WWOX: variants seen among roughly 807,000 people sequenced by gnomAD.
The protein encoded by WWOX is WW domain-containing oxidoreductase.
A neutral mutation model predicts 46.2 loss-of-function variants in WWOX; 69 were observed. The ratio of observed to expected loss-of-function variants is 1.49; its 90% CI spans 1.23 to 1.82. The LOEUF is 1.82. Ranked by LOEUF, WWOX falls within the 40% of genes most tolerant of loss-of-function variation. The probability of loss-of-function intolerance (pLI) is 0.00; values close to 1 mark genes in which losing one functional copy is unlikely to be tolerated. For missense variants in WWOX, 919 were observed against 542.6 expected (o/e 1.69, Z -6.89); for synonymous variants, 359 against 202.6 (o/e 1.77, Z -6.56).
At chr16:78,842,488 G>A (rs538120298) in intron 8 of WWOX, among the ~76,000 whole-genome samples, 4 of 137,112 alleles carry the variant, frequency 2.9e-5, no homozygotes, top group East Asian at 2.1e-4. Context: ...GGGTGAAAAA[G>A]TGACACCCTG....
chr16:78,887,175 C>T (rs984727071), intron 8 of WWOX, among the ~76,000 whole-genome samples: 1 of 146,966 alleles, frequency 6.8e-6, no homozygotes, highest in African/African-American at 2.6e-5. Flanking sequence ...TATTTTCTCC[C>T]GTAAGTTAAA....
At chr16:78,330,141 G>A (rs910935246) in intron 5 of WWOX, among the ~76,000 whole-genome samples, 16 of 152,086 alleles carry the variant, frequency 1.1e-4, no homozygotes, top group Admixed American at 9.8e-4. Context: ...CTAAACGTTT[G>A]AAAACATTCC....
At chr16:79,175,757 C>T (rs572898723) in intron 8 of WWOX, among the ~76,000 whole-genome samples, 21 of 152,170 alleles carry the variant, frequency 1.4e-4, no homozygotes, top group African/African-American at 2.4e-4. Context: ...GTTACTCATA[C>T]GACTTACACA....
chr16:78,301,774 C>T (rs989099431), intron 5 of WWOX, among the ~76,000 whole-genome samples: 1 of 152,134 alleles, frequency 6.6e-6, no homozygotes, highest in African/African-American at 2.4e-5. Flanking sequence ...CACAGATGCA[C>T]TGGGTAACAG....
chr16:79,190,899 C>G (rs893237740), intron 8 of WWOX, among the ~76,000 whole-genome samples: 6 of 152,152 alleles, frequency 3.9e-5, no homozygotes, highest in African/African-American at 1.4e-4. Context: ...TTGAGTTAGA[C>G]AGCTAATTAG....
At chr16:78,838,700 G>A (rs746161359) in intron 8 of WWOX, among the ~76,000 whole-genome samples, 3 of 152,020 alleles carry the variant, frequency 2.0e-5, no homozygotes, top group Non-Finnish European at 4.4e-5. Flanking sequence ...AAAGTTAGCC[G>A]GGCGTGGTAG....
rs570651879 is a variant in WWOX, at chr16:79,023,545, G to A, written c.1057-188063G>A. Among the ~76,000 whole-genome samples, 10 of 152,230 alleles carry A rather than the reference G, an allele frequency of 6.6e-5. No individual in the cohort carries two copies. In the East Asian group the frequency reaches 1.9e-3, roughly 29 times the overall value. On this transcript the variant is annotated intron_variant, in intron 8 of 8. Coordinates refer to ENST00000566780, the MANE Select transcript of WWOX (RefSeq NM_016373.4). ...TGGGGCGTCCTTTAAGGTCTGAAGA[G>A]GACAGTGACCATCCACCACAGGCAA...
At position 78,721,922 on chromosome 16, in the gene WWOX, C is replaced by G. The variant is rs1198040997; in HGVS notation, c.1056+289170C>G. 2.0e-5 allele frequency among the ~76,000 whole-genome samples: 3 copies of G among 152,242 alleles called. 1 individual carries two copies. Among genetic ancestry groups the G allele is most frequent in the Non-Finnish European group, 4.4e-5 (3 of 68,042 alleles). ...AATGTCACAATCTCAGGAAACCCAACTTTGTAAATGTGACTTTCCTTTGCT... is the reference window on the plus strand; with the variant it reads ...AATGTCACAATCTCAGGAAACCCAAGTTTGTAAATGTGACTTTCCTTTGCT... On this transcript the variant is annotated intron_variant, in intron 8 of 8. Transcript: ENST00000566780.
At chr16:78,597,228 A>C (rs181705772) in intron 8 of WWOX, among the ~76,000 whole-genome samples, 8 of 152,346 alleles carry the variant, frequency 5.3e-5, no homozygotes, top group African/African-American at 1.9e-4. Context: ...GGAAGTCCAT[A>C]GGTGCTGTTT....
chr16:79,021,817 C>T (rs1459011827), intron 8 of WWOX, among the ~76,000 whole-genome samples: 1 of 152,218 alleles, frequency 6.6e-6, no homozygotes, highest in African/African-American at 2.4e-5. Flanking sequence ...GGAGTCTGCA[C>T]TAGCTTGTAG....
intron 5 of WWOX, among the ~76,000 whole-genome samples, chr16:78,297,863 T>A (rs1218186223): frequency 6.6e-6 from 1 of 152,104 alleles, no homozygotes; most frequent in Non-Finnish European, 1.5e-5. Context: ...TTTTTCCATA[T>A]GGAGTTGATA....
At chr16:78,781,196 C>G (rs1457452849) in intron 8 of WWOX, among the ~76,000 whole-genome samples, 1 of 152,206 alleles carries the variant, frequency 6.6e-6, no homozygotes, top group East Asian at 1.9e-4. Flanking sequence ...GTTGTGACCC[C>G]TGGCTTGTTC....
At chr16:78,323,578 C>G (rs1252866838) in intron 5 of WWOX, among the ~76,000 whole-genome samples, 1 of 152,124 alleles carries the variant, frequency 6.6e-6, no homozygotes, top group Non-Finnish European at 1.5e-5. Flanking sequence ...GGCGGGAACC[C>G]CACTGAGCTG....
intron 8 of WWOX, among the ~76,000 whole-genome samples, chr16:78,919,980 C>T (rs368419681): frequency 6.6e-6 from 1 of 152,284 alleles, no homozygotes; most frequent in Non-Finnish European, 1.5e-5. Context: ...TTACGGTTTG[C>T]CTCCTTCTCA....
intron 8 of WWOX, among the ~76,000 whole-genome samples, chr16:79,045,680 A>G (rs888171143): frequency 6.8e-6 from 1 of 147,984 alleles, no homozygotes; most frequent in South Asian, 2.1e-4. Context: ...TACTAACTGC[A>G]TTGTGGGTTA....
At chr16:78,824,476 G>A (rs2051592732) in intron 8 of WWOX, among the ~76,000 whole-genome samples, 1 of 152,120 alleles carries the variant, frequency 6.6e-6, no homozygotes, top group Non-Finnish European at 1.5e-5. Flanking sequence ...GGAGAAACAA[G>A]CAAAGTACTT....
chr16:78,907,445 C>T (rs1221503489), intron 8 of WWOX, among the ~76,000 whole-genome samples: 2 of 152,180 alleles, frequency 1.3e-5, no homozygotes, highest in Non-Finnish European at 2.9e-5. Context: ...AGGCTCCTGT[C>T]CTCCTCCTAA....
chr16:78,617,829 G>A (rs2151639207), intron 8 of WWOX, among the ~76,000 whole-genome samples: 1 of 152,188 alleles, frequency 6.6e-6, no homozygotes, highest in East Asian at 1.9e-4. Context: ...TTTGAATGAT[G>A]GAATGAAGGT....
chr16:78,983,005 T>G (rs1196093737), intron 8 of WWOX, among the ~76,000 whole-genome samples: 1 of 152,146 alleles, frequency 6.6e-6, no homozygotes, highest in Non-Finnish European at 1.5e-5. Flanking sequence ...TTGGCTGCAG[T>G]GTAATATATT....
Sources: allele counts gnomAD v4.1 joint callset (sites outside exome capture counted in the v4.1 genomes callset), GRCh38; gene constraint gnomAD v4.1.1; transcripts MANE v1.5; gene names NCBI Gene and HGNC (gene_info 2026-07-23, HGNC 2026-07-21).